The following RANBP3L variants were observed in gnomAD, a reference collection of about 807,000 sequenced individuals.
The protein encoded by RANBP3L is RAN binding protein 3 like, also known as ran-binding protein 3-like.
In RANBP3L, 56 loss-of-function variants were observed where a neutral mutation model predicts 67.2. That is an observed-to-expected ratio of 0.83 (90% CI 0.67 to 1.04). The LOEUF (loss-of-function observed/expected upper bound fraction) is 1.04, where lower values mean the gene tolerates loss of function less well. RANBP3L is among the 50% of genes least tolerant of loss of function. The pLI is 0.00. For missense variants in RANBP3L, 496 were observed against 535.5 expected (o/e 0.93, Z 0.73); for synonymous variants, 164 against 181.4 (o/e 0.90, Z 0.77).
intron 1 of RANBP3L, among the ~76,000 whole-genome samples, chr5:36,272,255 C>A (rs1750270790): frequency 1.3e-5 from 2 of 152,166 alleles, no homozygotes; most frequent in Non-Finnish European, 2.9e-5. Flanking sequence ...GGTTACCTGG[C>A]ATTCCACCAA....
chr5:36,252,834 C>T (rs1340774466), intron 12 of RANBP3L, among the ~76,000 whole-genome samples: 1 of 152,062 alleles, frequency 6.6e-6, no homozygotes, highest in African/African-American at 2.4e-5. Flanking sequence ...ATCACTTACA[C>T]CTAACAGTAC....
At chr5:36,269,076 T>C (rs868435975) in intron 4 of RANBP3L, among the ~76,000 whole-genome samples, 1 of 152,080 alleles carries the variant, frequency 6.6e-6, no homozygotes, top group Non-Finnish European at 1.5e-5. Context: ...TGCAGAAACT[T>C]TGGAAACATA....
At chr5:36,253,194 T>C (rs182137437) in intron 12 of RANBP3L, among the ~76,000 whole-genome samples, 7 of 152,198 alleles carry the variant, frequency 4.6e-5, no homozygotes, top group Non-Finnish European at 1.0e-4. Context: ...GAATTTGCTG[T>C]TGGACTGGTT....
chr5:36,292,876 C>T (rs28792437), intron 1 of RANBP3L, among the ~76,000 whole-genome samples: 32,432 of 151,696 alleles, frequency 0.21, 4,149 homozygotes, highest in Non-Finnish European at 0.28. Flanking sequence ...ATTGACTTGG[C>T]GATGCGGGCT....
intron 4 of RANBP3L, 84 bp downstream of exon 4, chr5:36,269,306 A>G (rs1750039272): frequency 2.4e-6 from 2 of 829,284 alleles, no homozygotes; most frequent in South Asian, 1.5e-5. Flanking sequence ...AGCTTTTAAC[A>G]TTACCCTTTT....
chr5:36,260,086 G>A (rs186115728), intron 8 of RANBP3L, among the ~76,000 whole-genome samples: 5 of 152,026 alleles, frequency 3.3e-5, no homozygotes, highest in Non-Finnish European at 7.4e-5. Context: ...GAACAAATTG[G>A]CTCAAGCTTA....
chr5:36,261,042 G>A (rs1040698507), intron 7 of RANBP3L, among the ~76,000 whole-genome samples, 178 bp from the exon 8 acceptor site: 22 of 152,172 alleles, frequency 1.4e-4, no homozygotes, highest in Non-Finnish European at 1.3e-4. Flanking sequence ...AGAGGTGATT[G>A]TCAAAATAGT....
At chr5:36,292,958 G>A (rs1382084721) in intron 1 of RANBP3L, among the ~76,000 whole-genome samples, 1 of 141,774 alleles carries the variant, frequency 7.1e-6, no homozygotes, top group Non-Finnish European at 1.5e-5. Flanking sequence ...GTAGCTTGAT[G>A]GGGATGGCAT....
intron 8 of RANBP3L, among the ~76,000 whole-genome samples, chr5:36,260,506 T>C (rs1393441157): frequency 1.3e-5 from 2 of 152,182 alleles, no homozygotes; most frequent in Non-Finnish European, 2.9e-5. Flanking sequence ...CCTTGGGTAC[T>C]TTTGGTTTAA....
chr5:36,255,436 A>C, intron 11 of RANBP3L, 34 bp downstream of exon 11: 1 of 1,595,466 alleles, frequency 6.3e-7, no homozygotes, highest in Non-Finnish European at 8.5e-7. Context: ...AAATCCTGAC[A>C]AATTATGGCT....
chr5:36,290,988 C>T (rs980155816), intron 1 of RANBP3L, among the ~76,000 whole-genome samples: 1 of 150,944 alleles, frequency 6.6e-6, no homozygotes, highest in African/African-American at 2.4e-5. Context: ...TCATGATCCA[C>T]CTGCCTCAGC....
intron 12 of RANBP3L, among the ~76,000 whole-genome samples, chr5:36,253,326 C>T (rs901835486): frequency 6.6e-6 from 1 of 152,042 alleles, no homozygotes; most frequent in East Asian, 1.9e-4. Context: ...CTAACCTCTT[C>T]CTGGGAACCA....
intron 8 of RANBP3L, among the ~76,000 whole-genome samples, chr5:36,260,211 AT>A (rs1749273911): frequency 6.7e-6 from 1 of 149,584 alleles, no homozygotes; most frequent in African/African-American, 2.5e-5. Context: ...AAAAAAAAAA[AT>A]TAGCCAGGTG....
At chr5:36,301,161 T>C (rs762213150) in intron 1 of RANBP3L, among the ~76,000 whole-genome samples, 165 bp downstream of exon 1, 1 of 152,206 alleles carries the variant, frequency 6.6e-6, no homozygotes, top group African/African-American at 2.4e-5. Flanking sequence ...CTTGACAGTC[T>C]TCCATAGTCC....
At chr5:36,254,834 T>G (rs545521528) in intron 11 of RANBP3L, among the ~76,000 whole-genome samples, 23 of 152,186 alleles carry the variant, frequency 1.5e-4, no homozygotes, top group African/African-American at 4.3e-4. Flanking sequence ...CTCTGAACAA[T>G]GCCCATTGCA....
intron 1 of RANBP3L, among the ~76,000 whole-genome samples, chr5:36,273,989 T>TAG (rs1750404699): frequency 6.6e-6 from 1 of 152,134 alleles, no homozygotes; most frequent in African/African-American, 2.4e-5. Flanking sequence ...ACTCTTCAAA[T>TAG]AGAGGAAAAG....
chr5:36,282,691 A>G (rs1302483414), intron 1 of RANBP3L, among the ~76,000 whole-genome samples: 2 of 152,144 alleles, frequency 1.3e-5, no homozygotes, highest in East Asian at 1.9e-4. Context: ...TCCACGGAGA[A>G]CAAGTCTTTG....
At chr5:36,268,447 T>C (rs914865769) in intron 4 of RANBP3L, among the ~76,000 whole-genome samples, 3 of 152,196 alleles carry the variant, frequency 2.0e-5, no homozygotes, top group Non-Finnish European at 4.4e-5. Context: ...TTCAATTCCA[T>C]TCAACAGTAA....
intron 1 of RANBP3L, among the ~76,000 whole-genome samples, chr5:36,273,474 A>AT (rs1750367088): frequency 6.6e-6 from 1 of 152,188 alleles, no homozygotes; most frequent in African/African-American, 2.4e-5. Flanking sequence ...CTAGGGACAC[A>AT]TGGTCTAATT....
Sources: allele counts gnomAD v4.1 joint callset (sites outside exome capture counted in the v4.1 genomes callset), GRCh38; gene constraint gnomAD v4.1.1; transcripts MANE v1.5; gene names NCBI Gene and HGNC (gene_info 2026-07-23, HGNC 2026-07-21).